Variants in CRAMP1 observed in about 807,000 individuals in gnomAD.
The protein encoded by CRAMP1 is protein cramped-like.
A neutral mutation model predicts 115.4 loss-of-function variants in CRAMP1; 50 were observed. The ratio of observed to expected loss-of-function variants is 0.43; its 90% CI spans 0.35 to 0.55. CRAMP1 has a LOEUF of 0.55. Ranked by LOEUF, CRAMP1 falls within the 20% of genes least tolerant of loss-of-function variation. The pLI, the probability that CRAMP1 is intolerant of heterozygous loss-of-function variation, is 0.01. For synonymous variants in CRAMP1, 866 were observed against 745.4 expected (o/e 1.16, Z -2.64); for missense variants, 1,679 against 1,721.7 (o/e 0.98, Z 0.44).
At chr16:1,624,621 C>T (rs1290381867) in intron 2 of CRAMP1, among the ~76,000 whole-genome samples, 1 of 152,040 alleles carries the variant, frequency 6.6e-6, no homozygotes, top group Non-Finnish European at 1.5e-5. Flanking sequence ...GCTCTGTAGC[C>T]AGGCTGGAGT....
Position 1,668,160 on chromosome 16 carries a change from A to G in CRAMP1, c.3301A>G (p.Ile1101Val). 1 of 1,613,634 alleles carries G rather than the reference A, an allele frequency of 6.2e-7. No individual in the cohort carries two copies. The change falls in exon 18 of 21, where the codon ATC becomes GTC. Residue 1101 changes from isoleucine to valine, a missense_variant. This residue lies in a region of CRAMP1 where 709 missense variants were observed against 741.9 expected (regional missense o/e 0.96). Coordinates refer to ENST00000397412, the MANE Select transcript of CRAMP1 (RefSeq NM_020825.4). ...GCCTGCCACACACATTAGCGACTCC[A>G]TCATTGAGATCGCCATCAGCTCCGG... ...GEPATHISDS[I>V]IEIAISSGQY...
Position 1,612,627 on chromosome 16 carries a change from G to A in CRAMP1, c.-32G>A, listed in dbSNP as rs1480579710. Among the ~76,000 whole-genome samples the A allele has an allele frequency of 6.6e-6, 1 of 151,948 alleles. No homozygotes were observed. Among genetic ancestry groups the A allele is most frequent in the Admixed American group, 6.5e-5 (1 of 15,274 alleles). The stretch of plus-strand genomic sequence containing the variant: ...CGGGCACCCGGGGAGGCCCCGGGAA[G>A]CCAGGCTGCCGCCCGGCGTTGATGA... On this transcript the variant is annotated 5_prime_UTR_variant, in exon 1 of 21. Coordinates refer to ENST00000397412, the MANE Select transcript of CRAMP1 (RefSeq NM_020825.4).
chr16:1,658,374 T>C (rs1033835281), intron 10 of CRAMP1, among the ~76,000 whole-genome samples: 4 of 151,860 alleles, frequency 2.6e-5, no homozygotes, highest in African/African-American at 9.7e-5. Context: ...GGTGGGCTCA[T>C]GGGAGGGGCT....
chr16:1,664,751 C>T (rs532462228), intron 13 of CRAMP1, among the ~76,000 whole-genome samples: 1 of 151,724 alleles, frequency 6.6e-6, no homozygotes, highest in Non-Finnish European at 1.5e-5. Flanking sequence ...TGCACTCTAG[C>T]CTGGCTGACA....
chr16:1,663,838 A>G (rs2036852301), intron 13 of CRAMP1, among the ~76,000 whole-genome samples: 2 of 151,660 alleles, frequency 1.3e-5, no homozygotes, highest in Admixed American at 1.3e-4. Flanking sequence ...GTTCTTTTCC[A>G]CATAATATTT....
At chr16:1,663,361 A>T (rs1445439000) in intron 13 of CRAMP1, among the ~76,000 whole-genome samples, 1 of 152,206 alleles carries the variant, frequency 6.6e-6, no homozygotes, top group African/African-American at 2.4e-5. Flanking sequence ...GATGTGTGTT[A>T]TTTTGGATTC....
At chr16:1,651,407 TGAGGTCACA>T (rs1227569137) in intron 6 of CRAMP1, among the ~76,000 whole-genome samples, 1 of 149,992 alleles carries the variant, frequency 6.7e-6, no homozygotes, top group African/African-American at 2.5e-5. Context: ...AGAGGTGGAC[TGAGGTCACA>T]GAGGTCACCT....
rs535159090 is a variant in CRAMP1 at position 1,656,401 on chromosome 16, C to G, written c.1644C>G (p.Leu548=). 1.5e-5 allele frequency: 24 copies of G among 1,592,998 alleles called. No homozygotes were observed. The highest frequency in any genetic ancestry group is 1.7e-5 in the Non-Finnish European group (20 of 1,169,960). Residue 548 remains leucine (L), a synonymous_variant, in exon 10 of 21, where the codon CTC becomes CTG. Transcript: ENST00000397412. The surrounding 1 kb of genome is among the most constrained non-coding windows in gnomAD (Gnocchi z 5.6). Reference sequence around the variant, plus strand: ...CCTTGCCGTGTGCCTGTGGCCAGCTCCCAGACCTGGAGGACGAGCTCTCGC... The same window carrying G: ...CCTTGCCGTGTGCCTGTGGCCAGCTGCCAGACCTGGAGGACGAGCTCTCGC... ...PGALPCACGQ[L]PDLEDELSLL...
At position 1,653,146 on chromosome 16, in the gene CRAMP1, C is replaced by A; in HGVS notation, c.1027C>A (p.Pro343Thr). ...CCGTGTGCAGAGCCTTGCCCAGAAC[C>A]CACGCCTCAGGTAACATGGCCCTTG... Reference protein sequence around the residue: ...WARVQSLAQNPRLRMIVELHR... With the variant: ...WARVQSLAQNTRLRMIVELHR... The change falls in exon 8 of 21, where the codon CCA becomes ACA. Residue 343 changes from proline to threonine, a missense_variant. Around this residue, in one of 8 missense-constraint regions of CRAMP1, gnomAD observed 191 missense variants for 236.2 expected, o/e 0.81. Coordinates refer to ENST00000397412, the MANE Select transcript of CRAMP1 (RefSeq NM_020825.4). 1 of 1,609,286 alleles carries A rather than the reference C, an allele frequency of 6.2e-7. No individual in the cohort carries two copies. Among genetic ancestry groups the A allele is most frequent in the Non-Finnish European group, 8.5e-7 (1 of 1,177,836 alleles).
intron 1 of CRAMP1, among the ~76,000 whole-genome samples, chr16:1,613,993 G>A (rs1490918518): frequency 1.3e-5 from 2 of 152,014 alleles, no homozygotes; most frequent in African/African-American, 4.8e-5. Flanking sequence ...CGTGCGGGCA[G>A]GCGAGCCCGC....
intron 6 of CRAMP1, among the ~76,000 whole-genome samples, chr16:1,642,920 T>C (rs2142187424): frequency 6.6e-6 from 1 of 152,296 alleles, no homozygotes. Flanking sequence ...AGCGGGGGCG[T>C]GGTGGGCACC....
At chr16:1,618,130 C>G (rs1323464870) in intron 2 of CRAMP1, among the ~76,000 whole-genome samples, 1 of 152,200 alleles carries the variant, frequency 6.6e-6, no homozygotes, top group Non-Finnish European at 1.5e-5. Flanking sequence ...TTGGCCAGTT[C>G]ATGATCCAGC....
In CRAMP1 at chr16:1,656,709, C is replaced by T. The variant is rs537572177; in HGVS notation, c.1952C>T (p.Pro651Leu). The T allele has an allele frequency of 2.4e-5, 38 of 1,555,274 alleles. No individual in the cohort carries two copies. The highest frequency in any genetic ancestry group is 1.2e-4 in the Admixed American group (6 of 51,490). The change falls in exon 10 of 21, where the codon CCG becomes CTG. Residue 651 changes from proline (P) to leucine (L), a missense_variant. By Grantham distance (98) the Pro-to-Leu change is moderately conservative (BLOSUM62 -3). This residue lies in a region of CRAMP1 where 405 missense variants were observed against 302.6 expected (regional missense o/e 1.34). Transcript: ENST00000397412. The surrounding 1 kb of genome is among the most constrained non-coding windows in gnomAD (Gnocchi z 5.6). ...AAGGGGAGCCCCGCGGGGCCTCCGCCGTCTCAGGGACAGCCTGCCGCCAGG... is the reference window on the plus strand; with the variant it reads ...AAGGGGAGCCCCGCGGGGCCTCCGCTGTCTCAGGGACAGCCTGCCGCCAGG... The part of the protein sequence containing the change: ...QEKGSPAGPP[P>L]SQGQPAARPP...
chr16:1,633,726 C>G (rs1325846641), intron 4 of CRAMP1, among the ~76,000 whole-genome samples: 4 of 152,162 alleles, frequency 2.6e-5, no homozygotes, highest in Non-Finnish European at 5.9e-5. Flanking sequence ...TTTTCATTGT[C>G]GGCCTCTTCC....
chr16:1,670,555 G>A, intron 19 of CRAMP1, 109 bp from the exon 20 acceptor site: 2 of 1,212,340 alleles, frequency 1.6e-6, no homozygotes, highest in Non-Finnish European at 2.4e-6. Flanking sequence ...TTGGGGCCGG[G>A]GCCGGGGCTA....
intron 10 of CRAMP1, among the ~76,000 whole-genome samples, chr16:1,658,021 C>G (rs536501813): frequency 1.4e-4 from 21 of 152,344 alleles, no homozygotes; most frequent in African/African-American, 4.3e-4. Flanking sequence ...CACTGCTCCA[C>G]ACAGGCCGTC....
intron 6 of CRAMP1, among the ~76,000 whole-genome samples, chr16:1,641,880 G>T (rs1268496369): frequency 7.9e-5 from 12 of 151,770 alleles, no homozygotes; most frequent in Admixed American, 7.9e-4. Context: ...CCGCAGCCTG[G>T]GGGGTCCCCA....
chr16:1,661,895 T>C (rs913191839), intron 11 of CRAMP1, among the ~76,000 whole-genome samples: 2 of 152,230 alleles, frequency 1.3e-5, no homozygotes, highest in Non-Finnish European at 2.9e-5. Flanking sequence ...AACTCTCAAA[T>C]ATTTCCTGTT....
At chr16:1,633,743 G>A (rs12932744) in intron 4 of CRAMP1, among the ~76,000 whole-genome samples, 6,284 of 152,204 alleles carry the variant, frequency 0.041, 169 homozygotes, top group Non-Finnish European at 0.059. Context: ...TTCCTGTGTC[G>A]TCTGTCCTTT....
Sources: gnomAD v4.1 joint callset for allele counts (sites outside exome capture counted in the v4.1 genomes callset) on GRCh38, gnomAD v4.1.1 for gene constraint, gnomAD v4.1.1 regional missense constraint, Gnocchi (gnomAD v3.1) non-coding constraint, MANE v1.5 for transcripts, NCBI Gene and HGNC (gene_info 2026-07-23, HGNC 2026-07-21) for gene names.